The following ARFGEF3 variants were observed in gnomAD, a reference collection of about 807,000 sequenced individuals.
The protein encoded by ARFGEF3 is brefeldin A-inhibited guanine nucleotide-exchange protein 3.
ARFGEF3 carries 96 observed loss-of-function variants against 221.7 expected under a neutral mutation model. That is an observed-to-expected ratio of 0.43 (90% CI 0.37 to 0.51). The LOEUF (loss-of-function observed/expected upper bound fraction) is 0.51, where lower values mean the gene tolerates loss of function less well. ARFGEF3 is among the 20% of genes least tolerant of loss of function. The probability of loss-of-function intolerance (pLI) is 0.00; values close to 1 mark genes in which losing one functional copy is unlikely to be tolerated. For missense variants in ARFGEF3, 2,410 were observed against 2,789.9 expected (o/e 0.86, Z 3.07); for synonymous variants, 1,145 against 1,126.8 (o/e 1.02, Z -0.32).
intron 23 of ARFGEF3, 127 bp from the exon 24 acceptor site, chr6:138,308,612 C>T: frequency 9.6e-7 from 1 of 1,042,458 alleles, no homozygotes; most frequent in East Asian, 2.4e-5. Context: ...ATAAAAAACC[C>T]AGGCATCTCC....
Position 138,238,651 on chromosome 6 carries a change from A to G in ARFGEF3, c.543+20A>G, listed in dbSNP as rs2114547612. On this transcript the variant is annotated intron_variant, in intron 6 of 33. Coordinates refer to ENST00000251691, the MANE Select transcript of ARFGEF3 (RefSeq NM_020340.5). ...AATACGGTGAGTCTGTGACACCCCC[A>G]TGTTCATCACCTTCCTGGTGGTGTC... 3 of 1,610,916 alleles carry G rather than the reference A, an allele frequency of 1.9e-6. No homozygotes were observed. Among genetic ancestry groups the G allele is most frequent in the Admixed American group, 1.7e-5 (1 of 59,898 alleles).
At chr6:138,288,277 G>A (rs975369901) in intron 17 of ARFGEF3, among the ~76,000 whole-genome samples, 10 of 151,784 alleles carry the variant, frequency 6.6e-5, no homozygotes, top group African/African-American at 2.2e-4. Flanking sequence ...CCAGCTACTC[G>A]GGAGGCTGAG....
At chr6:138,295,366 T>C (rs1487031743) in intron 20 of ARFGEF3, among the ~76,000 whole-genome samples, 1 of 151,714 alleles carries the variant, frequency 6.6e-6, no homozygotes, top group African/African-American at 2.4e-5. Context: ...ATGCCTATAA[T>C]CCCAGCACTT....
At chr6:138,280,198 G>A in intron 14 of ARFGEF3, 34 bp downstream of exon 14, 13 of 1,606,604 alleles carry the variant, frequency 8.1e-6, no homozygotes, top group Non-Finnish European at 1.1e-5. Context: ...TGGGGCACGT[G>A]GTAGGGTGGG....
chr6:138,336,539 T>TA lies in ARFGEF3; in HGVS notation c.*53_*54insA. Reference sequence around the variant, plus strand: ...ATAACAGTAGTGAGGGTTAGAGTCCTGCCAATACAGCTGTTGCATTTTCCC... The same window carrying TA: ...ATAACAGTAGTGAGGGTTAGAGTCCTAGCCAATACAGCTGTTGCATTTTCCC... On this transcript the variant is annotated 3_prime_UTR_variant, in exon 34 of 34. Coordinates refer to ENST00000251691, the MANE Select transcript of ARFGEF3 (RefSeq NM_020340.5). The TA allele has an allele frequency of 7.0e-7, 1 of 1,437,256 alleles. No individual in the cohort carries two copies. The highest frequency in any genetic ancestry group is 9.5e-7 in the Non-Finnish European group (1 of 1,053,614). The allele number at this position is 1,437,256 out of a possible 1,614,324, so 89.0% of individuals were successfully genotyped here.
chr6:138,211,369 T>C (rs2114500109), intron 4 of ARFGEF3, among the ~76,000 whole-genome samples: 1 of 152,334 alleles, frequency 6.6e-6, no homozygotes, highest in Non-Finnish European at 1.5e-5. Context: ...ATCTCATTCA[T>C]CTTTAACTCT....
chr6:138,295,381 A>G (rs1779488040), intron 20 of ARFGEF3, among the ~76,000 whole-genome samples: 2 of 151,996 alleles, frequency 1.3e-5, no homozygotes, highest in South Asian at 4.2e-4. Flanking sequence ...GCACTTTAGG[A>G]GGCCGAGGCG....
At chr6:138,308,495 C>A (rs1278105103) in intron 23 of ARFGEF3, among the ~76,000 whole-genome samples, 2 of 152,178 alleles carry the variant, frequency 1.3e-5, no homozygotes, top group African/African-American at 4.8e-5. Flanking sequence ...TATAGACCAG[C>A]ACATTGCCTC....
chr6:138,237,497 T>C (rs1778308557), intron 5 of ARFGEF3, among the ~76,000 whole-genome samples: 2 of 151,400 alleles, frequency 1.3e-5, no homozygotes, highest in African/African-American at 4.9e-5. Context: ...TTTAGCAGCA[T>C]ATTATCAAAT....
At chr6:138,163,084 T>C (rs1776650656) in intron 1 of ARFGEF3, among the ~76,000 whole-genome samples, 1 of 151,936 alleles carries the variant, frequency 6.6e-6, no homozygotes, top group Non-Finnish European at 1.5e-5. Flanking sequence ...ACCATCACTG[T>C]CTGTCATGAC....
At chr6:138,273,417 G>T (rs1025808406) in intron 12 of ARFGEF3, among the ~76,000 whole-genome samples, 2 of 152,130 alleles carry the variant, frequency 1.3e-5, no homozygotes, top group African/African-American at 4.8e-5. Flanking sequence ...CTTAATTATA[G>T]AGAGAGAGAA....
chr6:138,313,563 G>A (rs1050721236), intron 25 of ARFGEF3, among the ~76,000 whole-genome samples: 1 of 152,138 alleles, frequency 6.6e-6, no homozygotes, highest in African/African-American at 2.4e-5. Context: ...TTATCCATAG[G>A]ATCCTTTTTC....
intron 14 of ARFGEF3, among the ~76,000 whole-genome samples, chr6:138,282,235 G>A (rs1455847233): frequency 6.6e-6 from 1 of 152,100 alleles, no homozygotes; most frequent in Non-Finnish European, 1.5e-5. Context: ...GATTACAGGC[G>A]TGAGCCGCCG....
At chr6:138,228,304 A>C (rs1583022439) in intron 4 of ARFGEF3, among the ~76,000 whole-genome samples, 1 of 148,332 alleles carries the variant, frequency 6.7e-6, no homozygotes, top group South Asian at 2.1e-4. Flanking sequence ...AGCCTCCCGG[A>C]TAGCTGGGAT....
chr6:138,233,636 C>G (rs1778232546), intron 5 of ARFGEF3, among the ~76,000 whole-genome samples: 1 of 152,140 alleles, frequency 6.6e-6, no homozygotes, highest in African/African-American at 2.4e-5. Flanking sequence ...CTCGGCCTCC[C>G]AAAGTGCTGG....
At chr6:138,270,424 G>A (rs76117817) in intron 12 of ARFGEF3, among the ~76,000 whole-genome samples, 7,209 of 58,428 alleles carry the variant, frequency 0.12, 191 homozygotes, top group South Asian at 0.19. Context: ...GGAATTTTAC[G>A]TAGACACACA....
At chr6:138,193,323 C>CT in intron 2 of ARFGEF3, among the ~76,000 whole-genome samples, 1 of 152,198 alleles carries the variant, frequency 6.6e-6, no homozygotes, top group East Asian at 1.9e-4. Flanking sequence ...TTTTTCTAGA[C>CT]AAAATCTCTC....
intron 8 of ARFGEF3, among the ~76,000 whole-genome samples, chr6:138,248,182 G>A (rs1778518824): frequency 6.6e-6 from 1 of 152,138 alleles, no homozygotes; most frequent in South Asian, 2.1e-4. Flanking sequence ...GTTCATTTTT[G>A]TGGTCATATA....
chr6:138,188,163 G>A (rs1777226489), intron 2 of ARFGEF3, among the ~76,000 whole-genome samples: 1 of 152,132 alleles, frequency 6.6e-6, no homozygotes. Flanking sequence ...ACCCATATGT[G>A]TACTTTTGCA....
Sources: allele counts gnomAD v4.1 joint callset (sites outside exome capture counted in the v4.1 genomes callset), GRCh38; gene constraint gnomAD v4.1.1; transcripts MANE v1.5; gene names NCBI Gene and HGNC (gene_info 2026-07-23, HGNC 2026-07-21).